Variants in NKAIN2 observed in about 807,000 individuals in gnomAD.
The protein encoded by NKAIN2 is sodium/potassium transporting ATPase interacting 2, also known as sodium/potassium-transporting ATPase subunit beta-1-interacting protein 2.
Under a neutral mutation model 32.6 loss-of-function variants are expected in NKAIN2, and 14 were observed. The observed-to-expected ratio is 0.43, with a 90% CI of 0.28 to 0.67. The LOEUF (loss-of-function observed/expected upper bound fraction) is 0.67, where lower values mean the gene tolerates loss of function less well. Among genes scored for constraint, NKAIN2 ranks in the 30% least tolerant of loss-of-function variants. NKAIN2 has a pLI of 0.17. For synonymous variants in NKAIN2, 80 were observed against 87.2 expected (o/e 0.92, Z 0.46); for missense variants, 198 against 258.3 (o/e 0.77, Z 1.60).
chr6:124,169,900 GC>G (rs961285607), intron 1 of NKAIN2, among the ~76,000 whole-genome samples: 5 of 152,116 alleles, frequency 3.3e-5, no homozygotes, highest in South Asian at 2.1e-4. Context: ...CAAATGCTCA[GC>G]CTTAAAATGG....
At chr6:123,894,544 A>G (rs902422296) in intron 1 of NKAIN2, among the ~76,000 whole-genome samples, 2 of 152,182 alleles carry the variant, frequency 1.3e-5, no homozygotes, top group African/African-American at 4.8e-5. Context: ...AAGGAAGGAG[A>G]TGAGGTAGAA....
chr6:124,439,527 C>T (rs953454770), intron 3 of NKAIN2, among the ~76,000 whole-genome samples: 2 of 151,922 alleles, frequency 1.3e-5, no homozygotes, highest in African/African-American at 4.8e-5. Context: ...AAATACTTTC[C>T]CACTATCCTT....
chr6:124,127,704 A>G (rs1786247082), intron 1 of NKAIN2, among the ~76,000 whole-genome samples: 1 of 152,140 alleles, frequency 6.6e-6, no homozygotes, highest in Admixed American at 6.5e-5. Context: ...CTGGTCAGCA[A>G]AGGAGGCTGT....
chr6:124,084,404 T>TA (rs1284524866), intron 1 of NKAIN2, among the ~76,000 whole-genome samples: 1 of 151,782 alleles, frequency 6.6e-6, no homozygotes, highest in African/African-American at 2.4e-5. Context: ...AGCAATAGGC[T>TA]ACAGAACATG....
intron 4 of NKAIN2, among the ~76,000 whole-genome samples, chr6:124,746,609 T>C (rs994407938): frequency 1.3e-5 from 2 of 152,068 alleles, no homozygotes; most frequent in South Asian, 4.1e-4. Context: ...TGTACTGATA[T>C]ACAGTAAAAC....
At chr6:124,042,272 A>C (rs1781905391) in intron 1 of NKAIN2, among the ~76,000 whole-genome samples, 1 of 152,090 alleles carries the variant, frequency 6.6e-6, no homozygotes, top group Non-Finnish European at 1.5e-5. Flanking sequence ...ATAGTGTTTG[A>C]AGCCAGAACA....
rs78163886 is a variant in NKAIN2, at chr6:124,057,637, CT to C, written c.55-225355del. Among the ~76,000 whole-genome samples the C allele has an allele frequency of 3.5e-3, 498 of 142,730 alleles. 1 individual carries two copies. Among genetic ancestry groups the C allele is most frequent in the Middle Eastern group, 7.2e-3 (2 of 276 alleles). 93.6% of individuals were successfully genotyped at this position (142,730 alleles called of 152,430 possible). Reference sequence around the variant, plus strand: ...TGTTCCTGGAGTTAAATGCCCTCCTCTTTTTTTTTTTTTAATCCATCTGTAC... The same window carrying C: ...TGTTCCTGGAGTTAAATGCCCTCCTCTTTTTTTTTTTTAATCCATCTGTAC... On this transcript the variant is annotated intron_variant, in intron 1 of 6. Transcript: ENST00000368417.
At chr6:124,655,916 C>G (rs56973848) in intron 3 of NKAIN2, among the ~76,000 whole-genome samples, 1 of 151,780 alleles carries the variant, frequency 6.6e-6, no homozygotes, top group Non-Finnish European at 1.5e-5. Context: ...GGAGGTTTAC[C>G]GAGACCTTGA....
intron 1 of NKAIN2, among the ~76,000 whole-genome samples, chr6:124,069,816 G>A (rs1455344820): frequency 6.6e-6 from 1 of 152,152 alleles, no homozygotes; most frequent in Non-Finnish European, 1.5e-5. Flanking sequence ...CAGCCTGGAG[G>A]CATCCTTCCC....
At chr6:124,605,179 A>G (rs748031896) in intron 3 of NKAIN2, among the ~76,000 whole-genome samples, 3 of 152,134 alleles carry the variant, frequency 2.0e-5, no homozygotes, top group Non-Finnish European at 4.4e-5. Context: ...AATGTTTTGT[A>G]GAAACAAATA....
intron 1 of NKAIN2, among the ~76,000 whole-genome samples, chr6:124,151,260 CTTTTA>C (rs974800158): frequency 6.6e-5 from 10 of 151,856 alleles, no homozygotes; most frequent in Admixed American, 5.3e-4. Context: ...TTTTACATGA[CTTTTA>C]TTTTATTGAA....
intron 4 of NKAIN2, chr6:124,658,603 T>TATCA: frequency 8.6e-7 from 1 of 1,157,368 alleles, no homozygotes; most frequent in East Asian, 2.6e-5. Flanking sequence ...TACCCTTTGT[T>TATCA]ATCATCAGCA....
chr6:124,505,902 G>A (rs958758775), intron 3 of NKAIN2, among the ~76,000 whole-genome samples: 1 of 152,088 alleles, frequency 6.6e-6, no homozygotes, highest in African/African-American at 2.4e-5. Flanking sequence ...GGCCGGGGGC[G>A]GTGGCTCAAG....
At chr6:124,099,816 T>C (rs923025319) in intron 1 of NKAIN2, among the ~76,000 whole-genome samples, 14 of 152,144 alleles carry the variant, frequency 9.2e-5, no homozygotes, top group Admixed American at 3.3e-4. Flanking sequence ...CAAAGAATTA[T>C]CCAACCCAAA....
intron 4 of NKAIN2, among the ~76,000 whole-genome samples, chr6:124,709,999 C>T (rs1187419698): frequency 4.5e-4 from 69 of 151,934 alleles, no homozygotes; most frequent in Non-Finnish European, 7.4e-4. Flanking sequence ...CACACTGCTT[C>T]AAATGTGTCC....
At chr6:124,208,534 T>G (rs1209444784) in intron 1 of NKAIN2, among the ~76,000 whole-genome samples, 2 of 151,698 alleles carry the variant, frequency 1.3e-5, no homozygotes. Context: ...ATGTAAAAGT[T>G]AAAAATTTAA....
intron 3 of NKAIN2, among the ~76,000 whole-genome samples, chr6:124,621,134 A>G (rs956357922): frequency 2.0e-5 from 3 of 152,188 alleles, no homozygotes; most frequent in African/African-American, 7.2e-5. Flanking sequence ...AAGGAATACT[A>G]CTGGGCAGCA....
chr6:124,447,129 C>T (rs1463725021), intron 3 of NKAIN2, among the ~76,000 whole-genome samples: 1 of 152,034 alleles, frequency 6.6e-6, no homozygotes, highest in Non-Finnish European at 1.5e-5. Context: ...AATGCCCTTC[C>T]TCTTTGACCA....
rs1562287219 is a variant in NKAIN2 at position 123,976,258 on chromosome 6, TATATATGTTTCC to T, written c.54+172011_54+172022del. Among the ~76,000 whole-genome samples the T allele has an allele frequency of 3.4e-4, 39 of 115,830 alleles. 2 individuals carry two copies. The East Asian group carries it at 3.5e-3, about 10-fold the overall frequency. The allele number at this position is 115,830 out of a possible 152,430, so 76.0% of individuals were successfully genotyped here. On this transcript the variant is annotated intron_variant, in intron 1 of 6. Coordinates refer to ENST00000368417, the MANE Select transcript of NKAIN2 (RefSeq NM_001040214.3). Reference sequence around the variant, plus strand: ...AGACAATAGCAAGAACATATATATATATATATGTTTCCATATATATGTTTCCATATATATGTT... The same window carrying T: ...AGACAATAGCAAGAACATATATATATATATATATGTTTCCATATATATGTT...
Sources: allele counts gnomAD v4.1 joint callset (sites outside exome capture counted in the v4.1 genomes callset), GRCh38; gene constraint gnomAD v4.1.1; transcripts MANE v1.5; gene names NCBI Gene and HGNC (gene_info 2026-07-23, HGNC 2026-07-21).